The following STX5 variants were observed in gnomAD, a reference collection of about 807,000 sequenced individuals.
STX5 encodes the protein syntaxin-5.
Under a neutral mutation model 42.9 loss-of-function variants are expected in STX5, and 15 were observed. The ratio of observed to expected loss-of-function variants is 0.35; its 90% CI spans 0.23 to 0.54. The LOEUF is 0.54. STX5 is among the 20% of genes least tolerant of loss of function. The pLI, the probability that STX5 is intolerant of heterozygous loss-of-function variation, is 0.91. For synonymous variants in STX5, 184 were observed against 173.2 expected (o/e 1.06, Z -0.49); for missense variants, 430 against 455.0 (o/e 0.95, Z 0.50).
chr11:62,826,514 G>A (rs995224749), intron 5 of STX5, among the ~76,000 whole-genome samples: 1 of 151,628 alleles, frequency 6.6e-6, no homozygotes. Context: ...CTGAGATCGC[G>A]CCACTGTGCT....
intron 10 of STX5, among the ~76,000 whole-genome samples, chr11:62,809,674 A>C (rs1051785395): frequency 2.9e-4 from 22 of 76,696 alleles, no homozygotes; most frequent in South Asian, 1.2e-3. Context: ...ACTCTGTCTC[A>C]AAAAAAAAAA....
chr11:62,825,267 C>T lies in STX5; in HGVS notation c.597+16G>A, dbSNP rs1166303633. The T allele has an allele frequency of 9.3e-6, 15 of 1,614,040 alleles. No individual in the cohort carries two copies. The highest frequency in any genetic ancestry group is 1.7e-4 in the Middle Eastern group (1 of 5,942). On this transcript the variant is annotated intron_variant, in intron 7 of 10. Coordinates refer to ENST00000294179, the MANE Select transcript of STX5 (RefSeq NM_003164.5). ...TACTCCCATATTCCTACCCCTCCTA[C>T]GCAGATTGTTCTCACCTCTGTCCTC...
Position 62,827,406 on chromosome 11 carries a change from T to C in STX5, c.297-8A>G. 6.2e-7 allele frequency: 1 copy of C among 1,614,196 alleles called. No homozygotes were observed. The highest frequency in any genetic ancestry group is 8.5e-7 in the Non-Finnish European group (1 of 1,180,030). ...AGGTCTTTCCCAATGCGCCTGCAAA[T>C]GACCACTAGTCAGACTGTGGGAAAG... On this transcript the variant is annotated splice_polypyrimidine_tract_variant and splice_region_variant and intron_variant, in intron 3 of 10. Coordinates refer to ENST00000294179, the MANE Select transcript of STX5 (RefSeq NM_003164.5).
chr11:62,826,844 C>T (rs1278259045), intron 5 of STX5, among the ~76,000 whole-genome samples: 1 of 147,448 alleles, frequency 6.8e-6, no homozygotes, highest in Non-Finnish European at 1.5e-5. Flanking sequence ...CGCACCACTG[C>T]ACTCCGGCCT....
At chr11:62,825,216 C>T (rs532374866) in intron 7 of STX5, 67 bp downstream of exon 7, 1 of 1,610,040 alleles carries the variant, frequency 6.2e-7, no homozygotes, top group Admixed American at 1.7e-5. Flanking sequence ...AGAACTTGTC[C>T]CTTCTTCATT....
rs2084773454 is a variant in STX5, at chr11:62,824,513, G to A, written c.732C>T (p.Ala244=). The change falls in exon 9 of 11, where the codon GCC becomes GCT. Residue 244 remains alanine, a synonymous_variant. Coordinates refer to ENST00000294179, the MANE Select transcript of STX5 (RefSeq NM_003164.5). Reference sequence around the variant, plus strand: ...TGGTCCGAGAGTCCATCATGTCGATGGCGACATCCTTGGAGGCATGGGACT... The same window carrying A: ...TGGTCCGAGAGTCCATCATGTCGATAGCGACATCCTTGGAGGCATGGGACT... ...GAESHASKDV[A]IDMMDSRTSQ... The A allele has an allele frequency of 1.9e-6, 3 of 1,614,160 alleles. No individual in the cohort carries two copies. The highest frequency in any genetic ancestry group is 1.7e-6 in the Non-Finnish European group (2 of 1,180,032).
intron 10 of STX5, among the ~76,000 whole-genome samples, chr11:62,812,758 G>A (rs147911469): frequency 6.6e-6 from 1 of 151,876 alleles, no homozygotes; most frequent in Non-Finnish European, 1.5e-5. Context: ...ATAGCTCAGG[G>A]AGCTATGGTG....
intron 10 of STX5, among the ~76,000 whole-genome samples, chr11:62,819,436 G>GA (rs2084714523): frequency 6.6e-6 from 1 of 151,590 alleles, no homozygotes; most frequent in Non-Finnish European, 1.5e-5. Context: ...ATTCAAGGAG[G>GA]AATGAAGAAC....
intron 5 of STX5, among the ~76,000 whole-genome samples, chr11:62,826,860 A>AAAGAGCAAAACTCTGCCTC (rs2084801817): frequency 6.6e-6 from 1 of 150,442 alleles, no homozygotes; most frequent in East Asian, 2.0e-4. Flanking sequence ...GGCCTGGGTG[A>AAAGAGCAAAACTCTGCCTC]AAGAGCAAAA....
Position 62,824,555 on chromosome 11 carries a change from A to G in STX5, c.690T>C (p.Ala230=), listed in dbSNP as rs771177358. The change falls in exon 9 of 11, where the codon GCT becomes GCC. Residue 230 remains alanine (A), a synonymous_variant. Coordinates refer to ENST00000294179, the MANE Select transcript of STX5 (RefSeq NM_003164.5). ...PLAPNHLGGG[A]VVLGAESHAS... Reference sequence around the variant, plus strand: ...CATGGGACTCTGCCCCCAGAACCACAGCACCACCGCCTGGGGGAGAAAACA... The same window carrying G: ...CATGGGACTCTGCCCCCAGAACCACGGCACCACCGCCTGGGGGAGAAAACA... The G allele has an allele frequency of 6.2e-7, 1 of 1,613,970 alleles. No homozygotes were observed.
chr11:62,812,657 C>A (rs897814788), intron 10 of STX5, among the ~76,000 whole-genome samples: 1 of 151,024 alleles, frequency 6.6e-6, no homozygotes, highest in Non-Finnish European at 1.5e-5. Flanking sequence ...CTCCTGACCT[C>A]GTGATTCGCC....
chr11:62,824,743 T>C (rs978300793), intron 8 of STX5, among the ~76,000 whole-genome samples, 178 bp from the exon 9 acceptor site: 1 of 152,184 alleles, frequency 6.6e-6, no homozygotes, highest in Non-Finnish European at 1.5e-5. Flanking sequence ...TAATAGTTGC[T>C]TTCTCAAAGG....
At chr11:62,827,069 C>G in intron 5 of STX5, 86 bp downstream of exon 5, 1 of 1,328,228 alleles carries the variant, frequency 7.5e-7, no homozygotes, top group South Asian at 1.2e-5. Flanking sequence ...GAAACTTGCT[C>G]TGGGTCCCCA....
intron 10 of STX5, among the ~76,000 whole-genome samples, chr11:62,822,016 C>T (rs1052325614): frequency 6.7e-6 from 1 of 149,980 alleles, no homozygotes; most frequent in Non-Finnish European, 1.5e-5. Context: ...CAGAGTGAGA[C>T]TCCATCTCAA....
intron 5 of STX5, among the ~76,000 whole-genome samples, chr11:62,826,112 G>T (rs1190084835): frequency 1.3e-5 from 2 of 152,088 alleles, no homozygotes; most frequent in African/African-American, 4.8e-5. Flanking sequence ...AAATTAGCTG[G>T]GTGTGGTGGC....
At chr11:62,809,103 A>G (rs368164339) in intron 10 of STX5, among the ~76,000 whole-genome samples, 4 of 151,840 alleles carry the variant, frequency 2.6e-5, no homozygotes, top group Admixed American at 1.3e-4. Flanking sequence ...TCAGGCTAAC[A>G]TGGTGAAACA....
At chr11:62,826,422 T>C (rs934407987) in intron 5 of STX5, among the ~76,000 whole-genome samples, 5 of 149,530 alleles carry the variant, frequency 3.3e-5, no homozygotes, top group Non-Finnish European at 7.4e-5. Context: ...CCGGGCGCGG[T>C]GGCACGTGCC....
chr11:62,823,749 G>T (rs527755489), intron 10 of STX5, among the ~76,000 whole-genome samples: 1 of 151,982 alleles, frequency 6.6e-6, no homozygotes. Context: ...GTCTTGCTTT[G>T]TTGCCCAAAC....
intron 10 of STX5, among the ~76,000 whole-genome samples, chr11:62,821,802 C>A (rs147987648): frequency 2.6e-3 from 395 of 152,002 alleles, no homozygotes; most frequent in Admixed American, 6.4e-3. Flanking sequence ...CTGAAGTGGG[C>A]GGATCATGAC....
Sources: allele counts gnomAD v4.1 joint callset (sites outside exome capture counted in the v4.1 genomes callset), GRCh38; gene constraint gnomAD v4.1.1; transcripts MANE v1.5; gene names NCBI Gene and HGNC (gene_info 2026-07-23, HGNC 2026-07-21).